Variants in SP100 observed in about 807,000 individuals in gnomAD.
SP100 encodes SP100 nuclear body protein.
A neutral mutation model predicts 130.0 loss-of-function variants in SP100; 84 were observed. The ratio of observed to expected loss-of-function variants is 0.65; its 90% CI spans 0.54 to 0.77. The LOEUF (loss-of-function observed/expected upper bound fraction) is 0.77. SP100 is among the 30% of genes least tolerant of loss of function. The probability of loss-of-function intolerance (pLI) is 0.00; values close to 1 mark genes in which losing one functional copy is unlikely to be tolerated. For synonymous variants in SP100, 331 were observed against 351.7 expected (o/e 0.94, Z 0.66); for missense variants, 978 against 1,052.2 (o/e 0.93, Z 0.97).
chr2:230,501,625 A>G (rs59042967), intron 19 of SP100, among the ~76,000 whole-genome samples: 5,301 of 151,256 alleles, frequency 0.035, 317 homozygotes, highest in African/African-American at 0.12. Flanking sequence ...AATTTGCTCA[A>G]AGGAAGGAGC....
chr2:230,487,499 T>A (rs2066168435), intron 17 of SP100, among the ~76,000 whole-genome samples: 1 of 152,182 alleles, frequency 6.6e-6, no homozygotes, highest in Non-Finnish European at 1.5e-5. Flanking sequence ...CGGTGTTATT[T>A]CTGAGGTCTC....
chr2:230,504,751 A>C (rs866397965), intron 21 of SP100, among the ~76,000 whole-genome samples: 2 of 152,158 alleles, frequency 1.3e-5, no homozygotes, highest in African/African-American at 2.4e-5. Context: ...AAACCATATC[A>C]TTTGCGCAAA....
intron 8 of SP100, among the ~76,000 whole-genome samples, chr2:230,461,026 A>G (rs75283967): frequency 2.6e-5 from 3 of 116,278 alleles, no homozygotes; most frequent in Non-Finnish European, 5.6e-5. Context: ...TATTTTTTTT[A>G]AAAAGCAAAA....
intron 24 of SP100, among the ~76,000 whole-genome samples, chr2:230,524,356 CAAA>C (rs34536949): frequency 4.2e-5 from 4 of 94,906 alleles, no homozygotes; most frequent in Non-Finnish European, 6.1e-5. Flanking sequence ...GATTCCATCT[CAAA>C]AAAAAAAAAA....
intron 24 of SP100, among the ~76,000 whole-genome samples, chr2:230,529,226 A>G (rs1022665758): frequency 3.9e-5 from 6 of 152,240 alleles, no homozygotes; most frequent in African/African-American, 1.4e-4. Context: ...AAGCTTATCC[A>G]CCATGATCAA....
chr2:230,473,706 C>T (rs1485604137), intron 16 of SP100, among the ~76,000 whole-genome samples: 2 of 152,248 alleles, frequency 1.3e-5, no homozygotes, highest in Non-Finnish European at 1.5e-5. Flanking sequence ...ATTTGCTTAA[C>T]CCGACCCTTT....
chr2:230,508,200 C>A (rs1690268235), intron 23 of SP100, 169 bp downstream of exon 23: 2 of 1,051,256 alleles, frequency 1.9e-6, no homozygotes, highest in Non-Finnish European at 2.6e-6. Context: ...AAGTCCAGGG[C>A]TCCTTTGAAC....
At chr2:230,521,092 G>A (rs1691150427) in intron 24 of SP100, among the ~76,000 whole-genome samples, 1 of 152,190 alleles carries the variant, frequency 6.6e-6, no homozygotes, top group African/African-American at 2.4e-5. Context: ...TAATCTGGAA[G>A]CCTGTTTACT....
rs910198264 is a variant in SP100 at position 230,417,579 on chromosome 2, T to C, written c.33-12T>C. The C allele has an allele frequency of 1.3e-5, 21 of 1,609,626 alleles. No individual in the cohort carries two copies. The African/African-American group carries it at 2.0e-4, about 15-fold the overall frequency. On this transcript the variant is annotated splice_polypyrimidine_tract_variant and intron_variant, in intron 1 of 28. Transcript: ENST00000340126. ...CAGTTATTTACTTGGTCCTGCCAAA[T>C]TGTCTTTCTAGGAGGCTGAATGAAT...
chr2:230,490,309 T>C (rs1187286124), intron 17 of SP100, among the ~76,000 whole-genome samples: 1 of 152,172 alleles, frequency 6.6e-6, no homozygotes, highest in Admixed American at 6.5e-5. Flanking sequence ...GAGACTAGGA[T>C]TGCAACCTCT....
At chr2:230,426,494 T>C (rs987461978) in intron 2 of SP100, among the ~76,000 whole-genome samples, 3 of 149,494 alleles carry the variant, frequency 2.0e-5, no homozygotes, top group East Asian at 3.8e-4. Flanking sequence ...GATCTATTGG[T>C]TATTCAGGAA....
At chr2:230,516,625 A>G (rs1228940735) in intron 24 of SP100, 1 of 152,194 alleles carries the variant, frequency 6.6e-6, no homozygotes, top group East Asian at 1.9e-4. Flanking sequence ...TATCTAGTCT[A>G]ACTATATGAT....
At chr2:230,466,230 C>T in intron 11 of SP100, 71 bp from the exon 12 acceptor site, 1 of 794,712 alleles carries the variant, frequency 1.3e-6, no homozygotes. Flanking sequence ...AGCCCATTTG[C>T]CATGTCAGTT....
intron 17 of SP100, 76 bp downstream of exon 17, chr2:230,474,523 C>A (rs2065436619): frequency 2.6e-6 from 2 of 758,128 alleles, no homozygotes; most frequent in Admixed American, 2.4e-5. Context: ...TTATTATCAT[C>A]ATTTTCTTTT....
At chr2:230,446,146 T>C (rs2063701230) in intron 4 of SP100, among the ~76,000 whole-genome samples, 1 of 152,252 alleles carries the variant, frequency 6.6e-6, no homozygotes, top group Non-Finnish European at 1.5e-5. Context: ...TTCCAATCTG[T>C]TGCCCAGGCT....
At chr2:230,443,600 C>T (rs1194006536) in intron 3 of SP100, among the ~76,000 whole-genome samples, 1 of 152,172 alleles carries the variant, frequency 6.6e-6, no homozygotes, top group Middle Eastern at 3.2e-3. Context: ...GCTTGTTATT[C>T]TTTCTCCAAC....
At chr2:230,514,961 G>C in intron 24 of SP100, 5 of 1,455,656 alleles carry the variant, frequency 3.4e-6, no homozygotes, top group Non-Finnish European at 4.6e-6. Flanking sequence ...TAGTGCTGGC[G>C]CAAGTGAGAG....
intron 17 of SP100, among the ~76,000 whole-genome samples, chr2:230,490,475 A>G (rs1201787180): frequency 6.6e-6 from 1 of 152,118 alleles, no homozygotes. Context: ...TAATTGGGGC[A>G]TTTAGCCCAT....
intron 24 of SP100, chr2:230,515,583 GGAA>G (rs777678106): frequency 4.4e-6 from 7 of 1,601,280 alleles, no homozygotes; most frequent in Admixed American, 3.4e-5. Context: ...AGAAGGAAGA[GGAA>G]GAAGATGAAG....
Sources: gnomAD v4.1 joint callset for allele counts (sites outside exome capture counted in the v4.1 genomes callset) on GRCh38, gnomAD v4.1.1 for gene constraint, MANE v1.5 for transcripts, NCBI Gene and HGNC (gene_info 2026-07-23, HGNC 2026-07-21) for gene names.